The following CDH18 variants were observed in gnomAD, a reference collection of about 807,000 sequenced individuals.
CDH18 encodes cadherin-18.
A neutral mutation model predicts 67.9 loss-of-function variants in CDH18; 31 were observed. The observed-to-expected ratio is 0.46, with a 90% CI of 0.34 to 0.62. The LOEUF (loss-of-function observed/expected upper bound fraction) is 0.62. Among genes scored for constraint, CDH18 ranks in the 20% least tolerant of loss-of-function variants. The probability of loss-of-function intolerance (pLI) is 0.01; values close to 1 mark genes in which losing one functional copy is unlikely to be tolerated. For missense variants in CDH18, 890 were observed against 975.5 expected (o/e 0.91, Z 1.17); for synonymous variants, 362 against 347.2 (o/e 1.04, Z -0.48).
intron 2 of CDH18, among the ~76,000 whole-genome samples, chr5:19,940,735 T>C (rs992990843): frequency 1.3e-5 from 2 of 151,980 alleles, no homozygotes; most frequent in Non-Finnish European, 2.9e-5. Flanking sequence ...ATCACCCCGA[T>C]TAAGATAGAG....
At chr5:20,309,900 GA>G (rs1338599938) in intron 1 of CDH18, among the ~76,000 whole-genome samples, 2 of 151,886 alleles carry the variant, frequency 1.3e-5, no homozygotes, top group African/African-American at 4.8e-5. Context: ...TTCATTTTCA[GA>G]AAAAAATAAA....
At chr5:19,968,852 T>G (rs1579865701) in intron 2 of CDH18, among the ~76,000 whole-genome samples, 3 of 144,448 alleles carry the variant, frequency 2.1e-5, no homozygotes, top group African/African-American at 8.6e-5. Flanking sequence ...TGGGATCTAA[T>G]TAAACTAAAG....
At chr5:19,921,945 A>G (rs1792528704) in intron 2 of CDH18, among the ~76,000 whole-genome samples, 1 of 152,116 alleles carries the variant, frequency 6.6e-6, no homozygotes, top group Non-Finnish European at 1.5e-5. Context: ...TTCTAAATCG[A>G]AAACCTTTGA....
At chr5:20,126,413 C>T (rs985564909) in intron 2 of CDH18, among the ~76,000 whole-genome samples, 2 of 152,118 alleles carry the variant, frequency 1.3e-5, no homozygotes, top group African/African-American at 4.8e-5. Context: ...GAAAAGATTT[C>T]TTGGATTATC....
At chr5:19,786,223 T>TA (rs1193989348) in intron 3 of CDH18, among the ~76,000 whole-genome samples, 1 of 152,168 alleles carries the variant, frequency 6.6e-6, no homozygotes, top group African/African-American at 2.4e-5. Context: ...CAATAATGAA[T>TA]AATTTTATAT....
At chr5:20,021,525 T>C (rs1738421518) in intron 2 of CDH18, among the ~76,000 whole-genome samples, 2 of 152,152 alleles carry the variant, frequency 1.3e-5, no homozygotes, top group African/African-American at 4.8e-5. Flanking sequence ...GCTGTTCTCA[T>C]GATAGTGAGT....
At chr5:19,763,336 C>G (rs1360432765) in intron 3 of CDH18, among the ~76,000 whole-genome samples, 1 of 152,116 alleles carries the variant, frequency 6.6e-6, no homozygotes, top group Non-Finnish European at 1.5e-5. Flanking sequence ...AGAAATTATC[C>G]AATCAGAAAT....
chr5:20,308,540 CAAA>C (rs35827739), intron 1 of CDH18, among the ~76,000 whole-genome samples: 8 of 126,774 alleles, frequency 6.3e-5, no homozygotes, highest in African/African-American at 2.0e-4. Context: ...GAGACTCAGT[CAAA>C]AAAAAAAAAA....
At chr5:19,764,634 T>C (rs1303319642) in intron 3 of CDH18, among the ~76,000 whole-genome samples, 1 of 150,828 alleles carries the variant, frequency 6.6e-6, no homozygotes, top group East Asian at 1.9e-4. Flanking sequence ...CATATATATA[T>C]ATATATATAT....
At chr5:19,643,704 T>C (rs1156318737) in intron 5 of CDH18, among the ~76,000 whole-genome samples, 2 of 152,056 alleles carry the variant, frequency 1.3e-5, no homozygotes, top group Non-Finnish European at 2.9e-5. Flanking sequence ...TGGGAAGATG[T>C]TGGTCAAGGG....
intron 5 of CDH18, among the ~76,000 whole-genome samples, chr5:19,714,875 G>T (rs188074797): frequency 6.9e-4 from 105 of 152,030 alleles, no homozygotes; most frequent in African/African-American, 2.4e-3. Context: ...AATTGTTTGT[G>T]CAAGCAATTA....
intron 1 of CDH18, among the ~76,000 whole-genome samples, chr5:20,449,400 GAATAT>G (rs1174390773): frequency 6.6e-6 from 1 of 151,898 alleles, no homozygotes; most frequent in East Asian, 1.9e-4. Context: ...ATGAATTTGA[GAATAT>G]AAGACTAAAC....
At chr5:20,445,511 G>A (rs1031573509) in intron 1 of CDH18, among the ~76,000 whole-genome samples, 7 of 152,172 alleles carry the variant, frequency 4.6e-5, no homozygotes, top group Non-Finnish European at 8.8e-5. Context: ...CAAGACTATT[G>A]TGATAAAAAA....
chr5:19,872,134 A>T (rs1786382702), intron 2 of CDH18, among the ~76,000 whole-genome samples: 1 of 152,138 alleles, frequency 6.6e-6, no homozygotes, highest in South Asian at 2.1e-4. Flanking sequence ...TATTCAAATG[A>T]AGATAAAAGA....
chr5:20,456,984 G>A (rs1423022579), intron 1 of CDH18, among the ~76,000 whole-genome samples: 1 of 152,130 alleles, frequency 6.6e-6, no homozygotes, highest in African/African-American at 2.4e-5. Flanking sequence ...ATGTGTACAT[G>A]TTCTAACATT....
chr5:20,063,728 G>C (rs760435079), intron 2 of CDH18, among the ~76,000 whole-genome samples: 3 of 152,118 alleles, frequency 2.0e-5, no homozygotes, highest in Non-Finnish European at 4.4e-5. Flanking sequence ...GACACTAAAT[G>C]TTCCTTTTTC....
intron 1 of CDH18, among the ~76,000 whole-genome samples, chr5:20,298,188 T>C (rs1422724664): frequency 6.6e-6 from 1 of 152,184 alleles, no homozygotes; most frequent in African/African-American, 2.4e-5. Context: ...GCAAACTATC[T>C]ATCTCTTTTG....
At chr5:19,538,007 G>C (rs781221082) in intron 9 of CDH18, among the ~76,000 whole-genome samples, 1 of 152,124 alleles carries the variant, frequency 6.6e-6, no homozygotes, top group Non-Finnish European at 1.5e-5. Flanking sequence ...AAGATAAAAG[G>C]TAAAAAGTAT....
At chr5:20,139,553 T>C (rs910339743) in intron 2 of CDH18, among the ~76,000 whole-genome samples, 5 of 152,118 alleles carry the variant, frequency 3.3e-5, no homozygotes, top group Non-Finnish European at 5.9e-5. Flanking sequence ...GGAGAAAATC[T>C]TTGCAATCTA....
Sources: allele counts gnomAD v4.1 joint callset (sites outside exome capture counted in the v4.1 genomes callset), GRCh38; gene constraint gnomAD v4.1.1; transcripts MANE v1.5; gene names NCBI Gene and HGNC (gene_info 2026-07-23, HGNC 2026-07-21).